LGR4: variants seen among roughly 807,000 people sequenced by gnomAD.
LGR4 encodes leucine rich repeat containing G protein-coupled receptor 4.
LGR4 carries 44 observed loss-of-function variants against 84.8 expected under a neutral mutation model. The ratio of observed to expected loss-of-function variants is 0.52; its 90% CI spans 0.41 to 0.67. The LOEUF is 0.67. Ranked by LOEUF, LGR4 falls within the 30% of genes least tolerant of loss-of-function variation. The pLI is 0.00. For missense variants in LGR4, 1,032 were observed against 1,131.4 expected (o/e 0.91, Z 1.26); for synonymous variants, 429 against 434.3 (o/e 0.99, Z 0.15).
intron 2 of LGR4, among the ~76,000 whole-genome samples, chr11:27,402,043 G>C (rs1200878285): frequency 6.6e-6 from 1 of 152,156 alleles, no homozygotes; most frequent in African/African-American, 2.4e-5. Context: ...ATATAGAGAG[G>C]TACTCTGGCA....
rs1311875445 is a variant in LGR4, at chr11:27,374,012, T to A, written c.1216A>T (p.Ser406Cys). Residue 406 changes from serine to cysteine, a missense_variant, in exon 14 of 18, where the codon AGT (serine) becomes TGT (cysteine). By Grantham distance (112) the Ser-to-Cys change is moderately radical. Coordinates refer to ENST00000379214, the MANE Select transcript of LGR4 (RefSeq NM_018490.5). ...LSRNLIHEIH[S>C]RAFATLGPIT... ...GGCCCAAGTGTGGCAAAAGCTCTAC[T>A]GTGAATTTCATGTATCAGGTTTCTA... The A allele has an allele frequency of 4.3e-6, 7 of 1,612,396 alleles. No homozygotes were observed. Among genetic ancestry groups the A allele is most frequent in the Non-Finnish European group, 5.1e-6 (6 of 1,178,538 alleles).
At chr11:27,445,029 T>G (rs1186193759) in intron 1 of LGR4, among the ~76,000 whole-genome samples, 4 of 152,194 alleles carry the variant, frequency 2.6e-5, no homozygotes, top group Admixed American at 1.3e-4. Context: ...TAAATGTGCT[T>G]ATTTCAAACA....
At chr11:27,444,453 T>C (rs1864354133) in intron 1 of LGR4, among the ~76,000 whole-genome samples, 1 of 152,210 alleles carries the variant, frequency 6.6e-6, no homozygotes, top group South Asian at 2.1e-4. Context: ...TGAAATATTC[T>C]TAGAGCAAAC....
chr11:27,427,816 C>T (rs1434891512), intron 1 of LGR4, among the ~76,000 whole-genome samples: 2 of 152,122 alleles, frequency 1.3e-5, no homozygotes, highest in East Asian at 3.8e-4. Context: ...TTATTAGAGC[C>T]CTTGGGAAAA....
intron 1 of LGR4, among the ~76,000 whole-genome samples, chr11:27,445,009 T>C (rs180687922): frequency 6.3e-4 from 96 of 152,324 alleles, no homozygotes; most frequent in African/African-American, 2.2e-3. Flanking sequence ...TGTGCTCCAC[T>C]ATTCTCTTGT....
chr11:27,379,503 G>GTCAAGTTT (rs1290205003), intron 10 of LGR4, among the ~76,000 whole-genome samples: 2 of 152,144 alleles, frequency 1.3e-5, no homozygotes, highest in African/African-American at 4.8e-5. Context: ...TGCCTTAAGA[G>GTCAAGTTT]TCAAGTTTAA....
intron 2 of LGR4, among the ~76,000 whole-genome samples, chr11:27,396,001 G>T (rs1863385378): frequency 6.6e-6 from 1 of 152,212 alleles, no homozygotes; most frequent in Non-Finnish European, 1.5e-5. Context: ...GCCTACAGTA[G>T]TTGCAGACAC....
At chr11:27,437,531 G>A (rs183668669) in intron 1 of LGR4, among the ~76,000 whole-genome samples, 6 of 152,202 alleles carry the variant, frequency 3.9e-5, no homozygotes, top group Admixed American at 3.9e-4. Context: ...ATGTCACCTG[G>A]TCAGGTATTT....
At chr11:27,400,433 G>T (rs1863476708) in intron 2 of LGR4, among the ~76,000 whole-genome samples, 1 of 151,512 alleles carries the variant, frequency 6.6e-6, no homozygotes, top group Non-Finnish European at 1.5e-5. Context: ...GTAAATCCCA[G>T]GAATAAAACA....
intron 1 of LGR4, among the ~76,000 whole-genome samples, chr11:27,467,566 C>CAAAAAAAAAAAAAAAAAAA (rs761925670): frequency 3.3e-4 from 17 of 51,830 alleles, no homozygotes; most frequent in African/African-American, 8.3e-4. Context: ...GAGTCCGTCT[C>CAAAAAAAAAAAAAAAAAAA]AAAAAAAAAA....
chr11:27,461,763 G>T (rs912064111), intron 1 of LGR4, among the ~76,000 whole-genome samples: 1 of 150,670 alleles, frequency 6.6e-6, no homozygotes, highest in African/African-American at 2.4e-5. Flanking sequence ...TGTCCACATG[G>T]AAAGAAAGAA....
intron 1 of LGR4, among the ~76,000 whole-genome samples, chr11:27,456,643 C>T (rs1864581406): frequency 6.6e-6 from 1 of 151,952 alleles, no homozygotes; most frequent in South Asian, 2.1e-4. Context: ...GTGAAGTCCA[C>T]GGAAGAAAGA....
At chr11:27,427,347 G>C (rs575052561) in intron 1 of LGR4, among the ~76,000 whole-genome samples, 1 of 152,266 alleles carries the variant, frequency 6.6e-6, no homozygotes, top group South Asian at 2.1e-4. Flanking sequence ...GGAGTACAGG[G>C]AAGGGCCTCC....
intron 4 of LGR4, among the ~76,000 whole-genome samples, chr11:27,386,158 T>A (rs1347810614): frequency 1.3e-5 from 2 of 152,228 alleles, no homozygotes; most frequent in East Asian, 3.8e-4. Flanking sequence ...CTGGAATCAA[T>A]GTTACTGTGG....
intron 14 of LGR4, 67 bp from the exon 15 acceptor site, chr11:27,373,743 T>G (rs941413388): frequency 2.9e-5 from 40 of 1,370,802 alleles, no homozygotes; most frequent in Non-Finnish European, 3.8e-5. Flanking sequence ...TCTGTACACG[T>G]ATTAACATCA....
intron 1 of LGR4, among the ~76,000 whole-genome samples, chr11:27,446,590 CTG>C (rs1339167932): frequency 6.6e-6 from 1 of 152,174 alleles, no homozygotes; most frequent in Non-Finnish European, 1.5e-5. Context: ...GTTGGTGGGA[CTG>C]TAAACTAGTT....
intron 1 of LGR4, among the ~76,000 whole-genome samples, chr11:27,435,574 G>A (rs1434964888): frequency 2.7e-5 from 4 of 149,388 alleles, no homozygotes; most frequent in Admixed American, 1.3e-4. Context: ...TGCAACCTCC[G>A]CCTCCTGGGT....
intron 9 of LGR4, 128 bp downstream of exon 9, chr11:27,380,512 A>G (rs1274547096): frequency 7.7e-6 from 6 of 777,034 alleles, no homozygotes; most frequent in African/African-American, 1.8e-5. Context: ...AAGAACAATT[A>G]TAAATTCTGC....
intron 1 of LGR4, among the ~76,000 whole-genome samples, chr11:27,439,895 A>G (rs1206770934): frequency 7.5e-6 from 1 of 134,130 alleles, no homozygotes; most frequent in African/African-American, 2.7e-5. Flanking sequence ...TTGAGGTAGG[A>G]TTTCTCTTTT....
Sources: gnomAD v4.1 joint callset for allele counts (sites outside exome capture counted in the v4.1 genomes callset) on GRCh38, gnomAD v4.1.1 for gene constraint, MANE v1.5 for transcripts, NCBI Gene and HGNC (gene_info 2026-07-23, HGNC 2026-07-21) for gene names.